Variants in LOC400499 observed in about 807,000 individuals in gnomAD.
the LOC400499 span, among the ~76,000 whole-genome samples, chr16:11,481,234 G>A: frequency 2.0e-5 from 3 of 152,238 alleles, no homozygotes; most frequent in Admixed American, 6.5e-5. Context: ...CACGGGTGCA[G>A]TGTCTCTTTT....
the LOC400499 span, chr16:11,431,023 C>T: frequency 5.0e-6 from 2 of 398,964 alleles, no homozygotes; most frequent in Non-Finnish European, 8.8e-6. Context: ...CATGGCGTTC[C>T]CCAGGCCCTC....
At chr16:11,411,039 G>A in the LOC400499 span, among the ~76,000 whole-genome samples, 3 of 152,390 alleles carry the variant, frequency 2.0e-5, no homozygotes, top group East Asian at 3.9e-4. Flanking sequence ...CCTGACTGGG[G>A]GCCACGGGGG....
the LOC400499 span, chr16:11,407,109 G>A: frequency 2.5e-6 from 1 of 396,922 alleles, no homozygotes; most frequent in Non-Finnish European, 4.4e-6. Context: ...CCCAGGAACC[G>A]GGACACTAGG....
chr16:11,402,594 C>T, the LOC400499 span, among the ~76,000 whole-genome samples: 1 of 152,192 alleles, frequency 6.6e-6, no homozygotes, highest in Admixed American at 6.5e-5. Flanking sequence ...GCTGGTGCCA[C>T]GTGGGGTTGG....
the LOC400499 span, among the ~76,000 whole-genome samples, chr16:11,468,780 AC>A: frequency 6.6e-6 from 1 of 152,050 alleles, no homozygotes; most frequent in East Asian, 1.9e-4. Flanking sequence ...GGCACCCGCC[AC>A]CACACCCAGC....
the LOC400499 span, among the ~76,000 whole-genome samples, chr16:11,524,368 A>AG: frequency 1.8e-5 from 1 of 56,174 alleles, no homozygotes; most frequent in African/African-American, 1.2e-4. Context: ...CCAGCCACCC[A>AG]CCCTCTCCTG....
the LOC400499 span, among the ~76,000 whole-genome samples, chr16:11,378,373 C>T: frequency 6.6e-6 from 1 of 151,612 alleles, no homozygotes; most frequent in South Asian, 2.1e-4. Context: ...AAGTGATTCT[C>T]CTGCCTCAGC....
the LOC400499 span, chr16:11,414,588 G>T: frequency 2.5e-6 from 1 of 399,302 alleles, no homozygotes; most frequent in Non-Finnish European, 4.4e-6. Flanking sequence ...GACTACATGA[G>T]AGGCCATGCC....
At chr16:11,469,244 C>G in the LOC400499 span, 1 of 399,214 alleles carries the variant, frequency 2.5e-6, no homozygotes, top group Non-Finnish European at 4.4e-6. Flanking sequence ...TCCCAAGAGC[C>G]TCCATCTTTC....
chr16:11,511,060 G>A, the LOC400499 span, among the ~76,000 whole-genome samples: 35 of 147,974 alleles, frequency 2.4e-4, no homozygotes, highest in Non-Finnish European at 4.5e-4. Context: ...GCAGTGACGC[G>A]ATCACAGCTC....
the LOC400499 span, chr16:11,442,230 A>G: frequency 6.6e-6 from 1 of 152,102 alleles, no homozygotes; most frequent in South Asian, 2.1e-4. Flanking sequence ...TTTATATTTT[A>G]TTTTATTTTA....
At chr16:11,392,805 A>G in the LOC400499 span, 205,196 of 962,836 alleles carry the variant, frequency 0.21, 24,235 homozygotes, top group Non-Finnish European at 0.22. Context: ...CCAGCAGCTG[A>G]GACCACAGGA....
the LOC400499 span, among the ~76,000 whole-genome samples, chr16:11,388,703 C>A: frequency 6.6e-6 from 1 of 152,148 alleles, no homozygotes; most frequent in African/African-American, 2.4e-5. Flanking sequence ...AGCCAGAGAC[C>A]AGCTGAGCCC....
chr16:11,439,447 G>T, the LOC400499 span: 4 of 398,792 alleles, frequency 1.0e-5, no homozygotes, highest in African/African-American at 8.2e-5. Flanking sequence ...ACAACCCTTG[G>T]CAGGCGAGTC....
At chr16:11,471,465 G>C in the LOC400499 span, 1 of 393,922 alleles carries the variant, frequency 2.5e-6, no homozygotes, top group Non-Finnish European at 4.5e-6. Context: ...GACTGATTCA[G>C]AGTTAATGCA....
chr16:11,398,941 G>A, the LOC400499 span, among the ~76,000 whole-genome samples: 1 of 152,204 alleles, frequency 6.6e-6, no homozygotes, highest in East Asian at 1.9e-4. Context: ...GCCATGCCCC[G>A]CTCGTGGCAG....
chr16:11,450,249 A>T, the LOC400499 span, among the ~76,000 whole-genome samples: 13 of 152,236 alleles, frequency 8.5e-5, no homozygotes, highest in Admixed American at 5.9e-4. Flanking sequence ...ACATCATGAC[A>T]GTCAGTAGTC....
chr16:11,390,306 C>G, the LOC400499 span: 3 of 1,232,978 alleles, frequency 2.4e-6, no homozygotes, highest in Non-Finnish European at 3.0e-6. Flanking sequence ...TCATGGCCCC[C>G]AGGGCCGCCC....
chr16:11,388,720 C>T, the LOC400499 span, among the ~76,000 whole-genome samples: 1 of 152,198 alleles, frequency 6.6e-6, no homozygotes, highest in Non-Finnish European at 1.5e-5. Context: ...GCCCCACCTA[C>T]CCGCCTCCCC....
Sources: allele counts gnomAD v4.1 joint callset (sites outside exome capture counted in the v4.1 genomes callset), GRCh38; gene constraint gnomAD v4.1.1; transcripts MANE v1.5.